TTC17: variants seen among roughly 807,000 people sequenced by gnomAD.
TTC17 encodes the protein tetratricopeptide repeat protein 17.
TTC17 carries 58 observed loss-of-function variants against 143.8 expected under a neutral mutation model. The ratio of observed to expected loss-of-function variants is 0.40; its 90% CI spans 0.33 to 0.50. The LOEUF is 0.50. Among genes scored for constraint, TTC17 ranks in the 20% least tolerant of loss-of-function variants. TTC17 has a pLI of 0.49. For synonymous variants in TTC17, 501 were observed against 497.8 expected (o/e 1.01, Z -0.09); for missense variants, 1,273 against 1,392.5 (o/e 0.91, Z 1.37).
chr11:43,404,543 T>C (rs1053483978), intron 11 of TTC17, among the ~76,000 whole-genome samples: 5 of 152,200 alleles, frequency 3.3e-5, no homozygotes, highest in Non-Finnish European at 5.9e-5. Context: ...CCCCTTGCTC[T>C]TCTGGAGCCT....
intron 21 of TTC17, among the ~76,000 whole-genome samples, chr11:43,462,871 A>G (rs546410271): frequency 1.2e-4 from 18 of 151,630 alleles, no homozygotes; most frequent in Non-Finnish European, 2.1e-4. Flanking sequence ...ACAATTACAA[A>G]CTGAACCTAG....
intron 23 of TTC17, 96 bp from the exon 24 acceptor site, chr11:43,493,677 C>T: frequency 1.3e-6 from 2 of 1,571,630 alleles, no homozygotes; most frequent in South Asian, 2.2e-5. Context: ...CGGGATTGTC[C>T]CTAGTACAGA....
rs769511838 is a variant in TTC17, at chr11:43,405,941, A to G, written c.1751A>G (p.His584Arg). The G allele has an allele frequency of 9.9e-6, 16 of 1,613,034 alleles. No individual in the cohort carries two copies. The highest frequency in any genetic ancestry group is 2.7e-5 in the African/African-American group (2 of 74,860). The change falls in exon 13 of 24, where the codon CAT (histidine) becomes CGT (arginine). Residue 584 changes from histidine to arginine, a missense_variant. His to Arg is a conservative substitution (Grantham distance 29). This residue lies in a region of TTC17 where 878 missense variants were observed against 899.8 expected (regional missense o/e 0.98). Coordinates refer to ENST00000039989, the MANE Select transcript of TTC17 (RefSeq NM_018259.6). ...MDLKAKMPDD[H>R]ARKILLSRIN... ...CTGAAAGCCAAAATGCCAGATGACC[A>G]TGCACGAAAAGTAAGGCTCACTTAG...
At position 43,407,391 on chromosome 11, in the gene TTC17, A is replaced by G. The variant is rs1858191966; in HGVS notation, c.1878A>G (p.Gly626=). 1 of 1,613,806 alleles carries G rather than the reference A, an allele frequency of 6.2e-7. No homozygotes were observed. The change falls in exon 15 of 24, where the codon GGA becomes GGG. Residue 626 remains glycine (G), a synonymous_variant. Transcript: ENST00000039989. The stretch of plus-strand genomic sequence containing the variant: ...TCTGGCTCATACTCAATGAAGCTGG[A>G]CTATACTGGAGAGCAGTAGGAAATA... The part of the protein sequence containing the change: ...APIWLILNEA[G]LYWRAVGNST...
chr11:43,478,393 C>T (rs2134854728), intron 21 of TTC17, among the ~76,000 whole-genome samples: 1 of 152,280 alleles, frequency 6.6e-6, no homozygotes, highest in East Asian at 1.9e-4. Flanking sequence ...ATTTTCACTT[C>T]TTTAGGCATA....
rs929819319 is a variant in TTC17, at chr11:43,447,868, G to A, written c.2666-134G>A. The A allele has an allele frequency of 1.2e-5, 13 of 1,063,188 alleles. No individual in the cohort carries two copies. In the Admixed American group the frequency reaches 1.3e-4, roughly 11 times the overall value. The allele number at this position is 1,063,188 out of a possible 1,614,324, so 65.9% of individuals were successfully genotyped here. On this transcript the variant is annotated intron_variant, in intron 18 of 23. Coordinates refer to ENST00000039989, the MANE Select transcript of TTC17 (RefSeq NM_018259.6). ...GATTTTAATTAGATCATAGATGGGG[G>A]AAATGTTAAAGACTACAGGAATGAC...
At chr11:43,472,373 C>G (rs943588280) in intron 21 of TTC17, among the ~76,000 whole-genome samples, 4 of 151,902 alleles carry the variant, frequency 2.6e-5, no homozygotes, top group African/African-American at 7.3e-5. Flanking sequence ...CATGCAAATA[C>G]AAGTAAAAAG....
intron 1 of TTC17, among the ~76,000 whole-genome samples, chr11:43,364,967 G>A (rs967235079): frequency 2.2e-4 from 33 of 151,790 alleles, no homozygotes; most frequent in Admixed American, 1.4e-3. Flanking sequence ...CACCACGCCC[G>A]GCTAATTTTG....
intron 21 of TTC17, among the ~76,000 whole-genome samples, chr11:43,467,575 T>A: frequency 6.6e-6 from 1 of 152,132 alleles, no homozygotes; most frequent in Non-Finnish European, 1.5e-5. Context: ...GACGAAGAAG[T>A]TCTGAAGGTT....
At chr11:43,441,897 C>T (rs1177755413) in intron 16 of TTC17, among the ~76,000 whole-genome samples, 2 of 152,152 alleles carry the variant, frequency 1.3e-5, no homozygotes, top group African/African-American at 4.8e-5. Context: ...CAGAACTCTT[C>T]GTAGCTAAAC....
chr11:43,470,147 A>G (rs1379131331), intron 21 of TTC17, among the ~76,000 whole-genome samples: 1 of 152,230 alleles, frequency 6.6e-6, no homozygotes, highest in African/African-American at 2.4e-5. Context: ...ATAAAACAAT[A>G]AAAGGCAGAA....
Position 43,404,305 on chromosome 11 carries a change from A to G in TTC17, c.1479+161A>G, listed in dbSNP as rs17508921. The stretch of plus-strand genomic sequence containing the variant: ...TTAAATGGAAGCTATTCTGCTAGGT[A>G]GTGAATGAGTAAGATGCAATTTCTG... On this transcript the variant is annotated intron_variant, in intron 11 of 23. Coordinates refer to ENST00000039989, the MANE Select transcript of TTC17 (RefSeq NM_018259.6). Among the ~76,000 whole-genome samples, 13,234 of 152,236 alleles carry G rather than the reference A, an allele frequency of 0.087. 892 individuals are homozygous for G. Among genetic ancestry groups the G allele is most frequent in the Admixed American group, 0.23 (3,501 of 15,268 alleles).
intron 2 of TTC17, among the ~76,000 whole-genome samples, chr11:43,388,853 G>T (rs1857269473): frequency 6.6e-6 from 1 of 151,778 alleles, no homozygotes; most frequent in Admixed American, 6.6e-5. Context: ...GTGTGCACCT[G>T]TAGTCCCAGC....
At chr11:43,427,703 C>G (rs1334741868) in intron 16 of TTC17, among the ~76,000 whole-genome samples, 1 of 152,138 alleles carries the variant, frequency 6.6e-6, no homozygotes, top group Non-Finnish European at 1.5e-5. Flanking sequence ...CTGTGCCTCT[C>G]CTTTGGCTCC....
At chr11:43,461,975 A>G (rs1367394924) in intron 21 of TTC17, among the ~76,000 whole-genome samples, 1 of 152,170 alleles carries the variant, frequency 6.6e-6, no homozygotes, top group Non-Finnish European at 1.5e-5. Context: ...TCAAGGGAAG[A>G]TAAAGGTACA....
At position 43,407,334 on chromosome 11, in the gene TTC17, G is replaced by A; in HGVS notation, c.1840-19G>A. 6.2e-7 allele frequency: 1 copy of A among 1,609,414 alleles called. No homozygotes were observed. ...GTACTGTATTCTTGTACTAACTGAA[G>A]TATTTTTGGATTTTTCAGCCAAATG... On this transcript the variant is annotated intron_variant, in intron 14 of 23. Coordinates refer to ENST00000039989, the MANE Select transcript of TTC17 (RefSeq NM_018259.6).
At chr11:43,410,023 G>A (rs1407650616) in intron 15 of TTC17, among the ~76,000 whole-genome samples, 2 of 151,732 alleles carry the variant, frequency 1.3e-5, no homozygotes, top group Non-Finnish European at 2.9e-5. Flanking sequence ...TGTACTTTTA[G>A]TAGAAACAGG....
At chr11:43,422,575 T>G (rs185588987) in intron 16 of TTC17, among the ~76,000 whole-genome samples, 108 of 152,056 alleles carry the variant, frequency 7.1e-4, no homozygotes, top group African/African-American at 2.5e-3. Flanking sequence ...AATAAAGGAG[T>G]AGCCAGTAAG....
At chr11:43,471,438 C>A (rs184830616) in intron 21 of TTC17, among the ~76,000 whole-genome samples, 18 of 152,332 alleles carry the variant, frequency 1.2e-4, no homozygotes, top group African/African-American at 4.3e-4. Flanking sequence ...CTTCCCACCC[C>A]CAGCCCGTCA....
Sources: gnomAD v4.1 joint callset for allele counts (sites outside exome capture counted in the v4.1 genomes callset) on GRCh38, gnomAD v4.1.1 for gene constraint, gnomAD v4.1.1 regional missense constraint, MANE v1.5 for transcripts, NCBI Gene and HGNC (gene_info 2026-07-23, HGNC 2026-07-21) for gene names.